RAPGEF1: variants seen among roughly 807,000 people sequenced by gnomAD.
RAPGEF1 encodes Rap guanine nucleotide exchange factor 1.
Under a neutral mutation model 143.3 loss-of-function variants are expected in RAPGEF1, and 33 were observed. That is an observed-to-expected ratio of 0.23 (90% CI 0.17 to 0.31). The LOEUF (loss-of-function observed/expected upper bound fraction) is 0.31. RAPGEF1 is among the 10% of genes least tolerant of loss of function. The probability of loss-of-function intolerance (pLI) is 1.00; values close to 1 mark genes in which losing one functional copy is unlikely to be tolerated. For synonymous variants in RAPGEF1, 629 were observed against 676.5 expected, an observed-to-expected ratio of 0.93 and a Z score of 1.09; for missense variants, 1,199 against 1,645.4, an observed-to-expected ratio of 0.73 and a Z score of 4.69.
intron 1 of RAPGEF1, among the ~76,000 whole-genome samples, chr9:131,692,381 C>A (rs535958025): frequency 1.3e-5 from 2 of 152,184 alleles, no homozygotes; most frequent in African/African-American, 4.8e-5. Flanking sequence ...TAGGCTGGAA[C>A]GGATCCAGAA....
chr9:131,612,136 C>T (rs1181055219), intron 12 of RAPGEF1, among the ~76,000 whole-genome samples: 2 of 152,188 alleles, frequency 1.3e-5, no homozygotes, highest in Admixed American at 6.5e-5. Context: ...TGTCAGTGCA[C>T]GACCTTTACA....
At chr9:131,639,474 G>C (rs1033782739) in intron 4 of RAPGEF1, among the ~76,000 whole-genome samples, 2 of 151,660 alleles carry the variant, frequency 1.3e-5, no homozygotes, top group African/African-American at 2.4e-5. Flanking sequence ...GTGTGAGAGA[G>C]AGACCACGCT....
chr9:131,593,748 C>T (rs367713302), intron 17 of RAPGEF1, among the ~76,000 whole-genome samples: 1 of 152,204 alleles, frequency 6.6e-6, no homozygotes, highest in East Asian at 1.9e-4. Context: ...AGGGCCCATC[C>T]GCACTGTGCT....
intron 4 of RAPGEF1, among the ~76,000 whole-genome samples, chr9:131,640,962 A>T (rs1029034376): frequency 6.6e-6 from 1 of 152,156 alleles, no homozygotes; most frequent in Non-Finnish European, 1.5e-5. Context: ...CTACCAGAAA[A>T]CAAACCATAT....
intron 1 of RAPGEF1, among the ~76,000 whole-genome samples, chr9:131,654,378 A>G (rs1355885403): frequency 6.6e-6 from 1 of 151,988 alleles, no homozygotes; most frequent in Admixed American, 6.6e-5. Context: ...GTCTGAAAAC[A>G]TCTTATTAAT....
chr9:131,581,393 TA>T (rs1200093453), intron 25 of RAPGEF1, among the ~76,000 whole-genome samples: 1 of 149,132 alleles, frequency 6.7e-6, no homozygotes, highest in Non-Finnish European at 1.5e-5. Context: ...CCGTCTTTAT[TA>T]AACAAAGAAA....
At chr9:131,674,271 C>CG (rs141626738) in intron 1 of RAPGEF1, among the ~76,000 whole-genome samples, 4,829 of 152,236 alleles carry the variant, frequency 0.032, 115 homozygotes, top group Non-Finnish European at 0.048. Flanking sequence ...TTGTTAAAAT[C>CG]GGGGGTGCTT....
At chr9:131,732,239 C>G (rs556762048) in intron 1 of RAPGEF1, among the ~76,000 whole-genome samples, 1 of 90,128 alleles carries the variant, frequency 1.1e-5, no homozygotes, top group East Asian at 3.6e-4. Context: ...CAAAGGCCAA[C>G]TGAAAAAAAA....
intron 22 of RAPGEF1, among the ~76,000 whole-genome samples, chr9:131,586,473 G>A (rs866625460): frequency 1.4e-5 from 1 of 73,808 alleles, no homozygotes; most frequent in East Asian, 3.4e-4. Flanking sequence ...CCTGCAGAGC[G>A]AGACTCCGTC....
Position 131,729,875 on chromosome 9 carries a change from A to G in RAPGEF1, c.61+9895T>C, listed in dbSNP as rs560306849. Among the ~76,000 whole-genome samples the G allele has an allele frequency of 1.6e-4, 25 of 152,284 alleles. 1 individual carries two copies. In the South Asian group the frequency reaches 5.2e-3, roughly 32 times the overall value. ...CTGCCATCATCCTCATCTGGGAAAA[A>G]TCTTGGGCAACTCCATACTTATGAT... On this transcript the variant is annotated intron_variant, in intron 1 of 26. Transcript: ENST00000683357.
At chr9:131,737,563 G>C (rs989269501) in intron 1 of RAPGEF1, 2 of 1,583,904 alleles carry the variant, frequency 1.3e-6, no homozygotes, top group Non-Finnish European at 1.7e-6. Context: ...ATGCTGAAAT[G>C]AACTGGCCTC....
At position 131,683,639 on chromosome 9, in the gene RAPGEF1, C is replaced by T. The variant is rs369128841; in HGVS notation, c.62-32690G>A. ...AGTAAACAACCTGCAGCCTGCTAAG[C>T]GTTTTCATTGTTTTACAGATGGGAC... is the stretch of plus-strand genomic sequence containing the variant. On this transcript the variant is annotated intron_variant, in intron 1 of 26. Coordinates refer to ENST00000683357, the MANE Select transcript of RAPGEF1 (RefSeq NM_001377935.1). Among the ~76,000 whole-genome samples, 5 of 152,178 alleles carry T rather than the reference C, an allele frequency of 3.3e-5. No homozygotes were observed. In the East Asian group the frequency reaches 5.8e-4, roughly 18 times the overall value.
intron 5 of RAPGEF1, among the ~76,000 whole-genome samples, chr9:131,631,379 G>A (rs542272221): frequency 9.1e-4 from 138 of 152,264 alleles, no homozygotes; most frequent in Non-Finnish European, 1.6e-3. Context: ...TTTCCTGTCC[G>A]CACATCTTTG....
intron 1 of RAPGEF1, among the ~76,000 whole-genome samples, chr9:131,736,081 C>A (rs1171548434): frequency 6.6e-6 from 1 of 152,172 alleles, no homozygotes; most frequent in Non-Finnish European, 1.5e-5. Context: ...GCTTGCACAA[C>A]CAGAACCATG....
chr9:131,646,411 C>G (rs1026638759), intron 3 of RAPGEF1, among the ~76,000 whole-genome samples: 1 of 152,216 alleles, frequency 6.6e-6, no homozygotes, highest in Non-Finnish European at 1.5e-5. Flanking sequence ...ATTTAACAAA[C>G]GAGTAAACTA....
intron 4 of RAPGEF1, among the ~76,000 whole-genome samples, chr9:131,640,058 G>A (rs1359444978): frequency 6.6e-6 from 1 of 152,212 alleles, no homozygotes; most frequent in Non-Finnish European, 1.5e-5. Flanking sequence ...GAGAAAGCCA[G>A]GATTGGGTAT....
chr9:131,604,086 G>A (rs1956721386), intron 13 of RAPGEF1, 33 bp from the exon 14 acceptor site: 2 of 1,269,138 alleles, frequency 1.6e-6, no homozygotes, highest in East Asian at 1.1e-4. Context: ...AAAGACACAT[G>A]GGCCAGGCCC....
chr9:131,734,788 T>A (rs894161903), intron 1 of RAPGEF1, among the ~76,000 whole-genome samples: 4 of 152,240 alleles, frequency 2.6e-5, no homozygotes, highest in Admixed American at 2.6e-4. Flanking sequence ...AATGTGACCA[T>A]GAAATGCAGT....
At chr9:131,738,643 T>C (rs889908796) in intron 1 of RAPGEF1, among the ~76,000 whole-genome samples, 8 of 152,236 alleles carry the variant, frequency 5.3e-5, no homozygotes, top group Admixed American at 5.2e-4. Context: ...GACCATATTC[T>C]TTCCCACAGA....
Sources: allele counts gnomAD v4.1 joint callset (sites outside exome capture counted in the v4.1 genomes callset), GRCh38; gene constraint gnomAD v4.1.1; transcripts MANE v1.5; gene names NCBI Gene and HGNC (gene_info 2026-07-23, HGNC 2026-07-21).